WASF3: variants seen among roughly 807,000 people sequenced by gnomAD.
WASF3 encodes actin-binding protein WASF3.
A neutral mutation model predicts 46.6 loss-of-function variants in WASF3; 11 were observed. The ratio of observed to expected loss-of-function variants is 0.24; its 90% CI spans 0.15 to 0.39. The LOEUF is 0.39. Ranked by LOEUF, WASF3 falls within the 10% of genes least tolerant of loss-of-function variation. The pLI is 1.00. For missense variants in WASF3, 576 were observed against 669.8 expected (o/e 0.86, Z 1.55); for synonymous variants, 242 against 259.7 (o/e 0.93, Z 0.65).
At chr13:26,544,026 C>T in the WASF3 span, among the ~76,000 whole-genome samples, 1 of 152,122 alleles carries the variant, frequency 6.6e-6, no homozygotes, top group Non-Finnish European at 1.5e-5. Flanking sequence ...TGTGGCCATG[C>T]ATGCTTGTAT....
chr13:26,543,334 G>T, the WASF3 span, among the ~76,000 whole-genome samples: 1 of 152,198 alleles, frequency 6.6e-6, no homozygotes, highest in Non-Finnish European at 1.5e-5. Flanking sequence ...AAACTGGGAT[G>T]CCATGTGGGT....
chr13:26,595,537 TGA>T (rs1880434510), intron 1 of WASF3, among the ~76,000 whole-genome samples: 1 of 152,138 alleles, frequency 6.6e-6, no homozygotes, highest in African/African-American at 2.4e-5. Flanking sequence ...TGTGTGTGTG[TGA>T]GTGTGTAAAG....
intron 1 of WASF3, among the ~76,000 whole-genome samples, chr13:26,568,192 G>C (rs1299172507): frequency 6.6e-6 from 1 of 152,178 alleles, no homozygotes; most frequent in Non-Finnish European, 1.5e-5. Flanking sequence ...GCAGGGACAT[G>C]ATACCATTTA....
chr13:26,633,646 C>T (rs950778231), intron 2 of WASF3, among the ~76,000 whole-genome samples: 5 of 152,198 alleles, frequency 3.3e-5, no homozygotes, highest in African/African-American at 1.2e-4. Flanking sequence ...AAATTTCCCT[C>T]TACACACTGC....
chr13:26,630,059 A>G (rs953142319), intron 2 of WASF3, among the ~76,000 whole-genome samples: 1 of 151,964 alleles, frequency 6.6e-6, no homozygotes. Context: ...ATGTTTGAAA[A>G]GGGGCATTTT....
Position 26,561,377 on chromosome 13 carries a change from G to T in WASF3, c.-109+3558G>T, listed in dbSNP as rs1449544281. Among the ~76,000 whole-genome samples, 3 of 152,060 alleles carry T rather than the reference G, an allele frequency of 2.0e-5. No homozygotes were observed. The East Asian group carries it at 5.8e-4, about 29-fold the overall frequency. ...GGGGCAGGGAGGAGTTCAGGGCAGT[G>T]TCCAGCTCTGGCTGGGTGGTTGGGT... is the stretch of plus-strand genomic sequence containing the variant. On this transcript the variant is annotated intron_variant, in intron 1 of 9. Transcript: ENST00000335327.
chr13:26,567,698 T>TAA (rs60469078), intron 1 of WASF3, among the ~76,000 whole-genome samples: 4 of 145,416 alleles, frequency 2.8e-5, no homozygotes, highest in African/African-American at 9.9e-5. Context: ...TAAACGACAT[T>TAA]AAAAAAAAAA....
At chr13:26,563,654 CAAAAAAAAAAAAAA>C (rs34374716) in intron 1 of WASF3, among the ~76,000 whole-genome samples, 2 of 47,030 alleles carry the variant, frequency 4.3e-5, no homozygotes, top group Non-Finnish European at 7.6e-5. Flanking sequence ...GACTCCATCT[CAAAAAAAAAAAAAA>C]AAAAAAAAAA....
intron 3 of WASF3, among the ~76,000 whole-genome samples, chr13:26,656,597 T>C (rs1338039544): frequency 6.6e-6 from 1 of 151,978 alleles, no homozygotes; most frequent in Non-Finnish European, 1.5e-5. Context: ...GTAATAAACC[T>C]TCCCAATACT....
chr13:26,613,620 A>G (rs912023286), intron 2 of WASF3, among the ~76,000 whole-genome samples: 4 of 152,084 alleles, frequency 2.6e-5, no homozygotes, highest in African/African-American at 7.2e-5. Context: ...ACACACAACA[A>G]TTAGTCGGGT....
At chr13:26,600,080 A>C (rs145248808) in intron 1 of WASF3, among the ~76,000 whole-genome samples, 42 of 152,340 alleles carry the variant, frequency 2.8e-4, no homozygotes, top group South Asian at 8.3e-4. Context: ...AGTACAAAGT[A>C]AACTTCCCAG....
chr13:26,607,427 A>C (rs144252208), intron 1 of WASF3, among the ~76,000 whole-genome samples: 182 of 151,932 alleles, frequency 1.2e-3, no homozygotes, highest in African/African-American at 4.2e-3. Context: ...CTTTATAGGC[A>C]AAAAAAAGGC....
At chr13:26,584,470 C>T (rs1443730095) in intron 1 of WASF3, among the ~76,000 whole-genome samples, 3 of 152,282 alleles carry the variant, frequency 2.0e-5, no homozygotes, top group East Asian at 3.9e-4. Flanking sequence ...TATATGGTCT[C>T]TGTTAATCTG....
At chr13:26,601,541 A>G (rs1880642955) in intron 1 of WASF3, among the ~76,000 whole-genome samples, 2 of 152,226 alleles carry the variant, frequency 1.3e-5, no homozygotes, top group Admixed American at 1.3e-4. Flanking sequence ...TCCTGCCTTC[A>G]GGGTTGACAG....
chr13:26,604,375 G>T (rs1880730673), intron 1 of WASF3, among the ~76,000 whole-genome samples: 1 of 152,108 alleles, frequency 6.6e-6, no homozygotes, highest in Non-Finnish European at 1.5e-5. Context: ...TAAATGAGGT[G>T]GTACTCTTTG....
rs1201620657 is a variant in WASF3 at position 26,665,131 on chromosome 13, A to G, written c.237A>G (p.Lys79=). ...LQDRIDRLAV[K]VTQLDSTVEE... is the part of the protein sequence containing the mutation. ...ACAGAATTGATCGCCTTGCTGTCAA[A>G]GTCACCCAGCTGGATTCAACAGTGG... The change falls in exon 4 of 10, where the codon AAA becomes AAG. Residue 79 remains lysine, a synonymous_variant. Coordinates refer to ENST00000335327, the MANE Select transcript of WASF3 (RefSeq NM_006646.6). The G allele has an allele frequency of 6.2e-7, 1 of 1,613,972 alleles. No homozygotes were observed. Among genetic ancestry groups the G allele is most frequent in the Non-Finnish European group, 8.5e-7 (1 of 1,180,006 alleles).
At chr13:26,649,215 T>C (rs1209922286) in intron 3 of WASF3, among the ~76,000 whole-genome samples, 1 of 152,236 alleles carries the variant, frequency 6.6e-6, no homozygotes, top group Non-Finnish European at 1.5e-5. Flanking sequence ...AAACATTCTC[T>C]GTTTTAATCT....
At chr13:26,589,610 T>G (rs1880230555) in intron 1 of WASF3, among the ~76,000 whole-genome samples, 1 of 152,210 alleles carries the variant, frequency 6.6e-6, no homozygotes, top group South Asian at 2.1e-4. Context: ...ATGTTAATAC[T>G]TTTAGAATGA....
At position 26,642,381 on chromosome 13, in the gene WASF3, C is replaced by T. The variant is rs771216662; in HGVS notation, c.111C>T (p.Ile37=). The part of the protein sequence containing the change: ...ECVTNSTLAA[I]IRQLSSLSKH... The stretch of plus-strand genomic sequence containing the variant: ...TAACCAATAGTACTCTTGCCGCTAT[C>T]ATACGCCAGCTGAGCAGTCTGAGTA... Residue 37 remains isoleucine (I), a synonymous_variant, in exon 3 of 10, where the codon ATC becomes ATT. Transcript: ENST00000335327. 3 of 1,605,062 alleles carry T rather than the reference C, an allele frequency of 1.9e-6. No homozygotes were observed. The South Asian group carries it at 3.4e-5, about 18-fold the overall frequency.
Sources: allele counts gnomAD v4.1 joint callset (sites outside exome capture counted in the v4.1 genomes callset), GRCh38; gene constraint gnomAD v4.1.1; transcripts MANE v1.5; gene names NCBI Gene and HGNC (gene_info 2026-07-23, HGNC 2026-07-21).